The following COL3A1 variants were observed in gnomAD, a reference collection of about 807,000 sequenced individuals.
COL3A1 encodes collagen type III alpha 1 chain.
A neutral mutation model predicts 200.9 loss-of-function variants in COL3A1; 46 were observed. That is an observed-to-expected ratio of 0.23 (90% CI 0.18 to 0.29). The LOEUF (loss-of-function observed/expected upper bound fraction) is 0.29, where lower values mean the gene tolerates loss of function less well. Ranked by LOEUF, COL3A1 falls within the 10% of genes least tolerant of loss-of-function variation. The pLI, the probability that COL3A1 is intolerant of heterozygous loss-of-function variation, is 1.00. For missense variants in COL3A1, 1,367 were observed against 1,917.6 expected, an observed-to-expected ratio of 0.71 and a Z score of 5.36; for synonymous variants, 650 against 628.0, an observed-to-expected ratio of 1.03 and a Z score of -0.52.
At chr2:188,976,476 A>G (rs780876080) in intron 1 of COL3A1, among the ~76,000 whole-genome samples, 3 of 152,150 alleles carry the variant, frequency 2.0e-5, no homozygotes, top group Non-Finnish European at 4.4e-5. Context: ...GTAAAAGTAA[A>G]GTTGAAGTGA....
intron 34 of COL3A1, 123 bp from the exon 35 acceptor site, chr2:189,002,175 A>T (rs953047732): frequency 1.5e-5 from 12 of 801,108 alleles, no homozygotes; most frequent in Non-Finnish European, 2.4e-5. Context: ...TCAGAAGTTT[A>T]TTGGCTACTC....
chr2:189,002,922 C>A, intron 35 of COL3A1, 33 bp from the exon 36 acceptor site: 1 of 1,411,376 alleles, frequency 7.1e-7, no homozygotes, highest in South Asian at 1.2e-5. Flanking sequence ...TAAAGAGTGT[C>A]AGCTGAGAGA....
At chr2:188,989,939 A>G (rs147544677) in intron 8 of COL3A1, among the ~76,000 whole-genome samples, 157 bp from the exon 9 acceptor site, 226 of 152,280 alleles carry the variant, frequency 1.5e-3, no homozygotes, top group African/African-American at 5.2e-3. Flanking sequence ...GGTCTTCCTC[A>G]TGCCTTCTAC....
At chr2:188,993,006 C>T in intron 15 of COL3A1, 66 bp downstream of exon 15, 2 of 1,429,570 alleles carry the variant, frequency 1.4e-6, no homozygotes, top group Non-Finnish European at 2.0e-6. Flanking sequence ...CATTAGATTG[C>T]TTCTTGCAAC....
rs773400185 is a variant in COL3A1, at chr2:189,011,714, T to C, written c.4341T>C (p.Tyr1447=). ...VRLPIVDIAP[Y]DIGGPDQEFG... ...TACCTATTGTAGATATTGCACCCTA[T>C]GACATTGGTGGTCCTGATCAAGAAT... Residue 1447 remains tyrosine (Y), a synonymous_variant, in exon 51 of 51, where the codon TAT becomes TAC. Transcript: ENST00000304636. The C allele has an allele frequency of 1.2e-5, 19 of 1,613,776 alleles. No individual in the cohort carries two copies. In the South Asian group the frequency reaches 2.1e-4, roughly 18 times the overall value.
At position 189,011,902 on chromosome 2, in the gene COL3A1, C is replaced by T; in HGVS notation, c.*128C>T. 9.7e-7 allele frequency: 1 copy of T among 1,032,554 alleles called. No individual in the cohort carries two copies. The highest frequency in any genetic ancestry group is 1.5e-6 in the Non-Finnish European group (1 of 689,460). The allele number at this position is 1,032,554 out of a possible 1,614,324, so 64.0% of individuals were successfully genotyped here. Reference sequence around the variant, plus strand: ...TATTTATTTCCAAAATGTTTGGAAACAGTATAATTTGACAAAGAAAAATGA... The same window carrying T: ...TATTTATTTCCAAAATGTTTGGAAATAGTATAATTTGACAAAGAAAAATGA... On this transcript the variant is annotated 3_prime_UTR_variant, in exon 51 of 51. Coordinates refer to ENST00000304636, the MANE Select transcript of COL3A1 (RefSeq NM_000090.4).
At chr2:188,978,597 T>A (rs1462434917) in intron 1 of COL3A1, among the ~76,000 whole-genome samples, 1 of 151,948 alleles carries the variant, frequency 6.6e-6, no homozygotes. Flanking sequence ...GCTTAAAGAA[T>A]TAAAGCTTTA....
In COL3A1 at chr2:189,010,218, T is replaced by C. The variant is rs1433225130; in HGVS notation, c.3864T>C (p.Asp1288=). The C allele has an allele frequency of 6.2e-7, 1 of 1,614,182 alleles. No homozygotes were observed. Among genetic ancestry groups the C allele is most frequent in the South Asian group, 1.1e-5 (1 of 91,086 alleles). The change falls in exon 49 of 51, where the codon GAT becomes GAC. Residue 1288 remains aspartate, a synonymous_variant. Transcript: ENST00000304636. ...ACCCTAACCAAGGATGCAAATTGGATGCTATCAAGGTATTCTGTAATATGG... is the reference window on the plus strand; with the variant it reads ...ACCCTAACCAAGGATGCAAATTGGACGCTATCAAGGTATTCTGTAATATGG... ...WVDPNQGCKL[D]AIKVFCNMET... is the part of the protein sequence containing the mutation.
At chr2:189,001,884 A>G (rs1688474022) in intron 34 of COL3A1, among the ~76,000 whole-genome samples, 1 of 152,172 alleles carries the variant, frequency 6.6e-6, no homozygotes, top group Admixed American at 6.5e-5. Flanking sequence ...AGCCTATAGA[A>G]TCTTTGCCTG....
At chr2:189,003,933 A>G (rs532714496) in intron 38 of COL3A1, 49 bp from the exon 39 acceptor site, 3 of 1,567,700 alleles carry the variant, frequency 1.9e-6, no homozygotes, top group Middle Eastern at 1.8e-4. Flanking sequence ...AAGAAAGAAA[A>G]AATGCACTTT....
rs1483275898 is a variant in COL3A1 at position 188,995,597 on chromosome 2, T to C, written c.1510-95T>C. The C allele has an allele frequency of 4.9e-6, 4 of 820,414 alleles. No homozygotes were observed. In the East Asian group the frequency reaches 8.1e-5, roughly 17 times the overall value. The allele number at this position is 820,414 out of a possible 1,614,324, so 50.8% of individuals were successfully genotyped here. ...GCAACACACGAACCCTTTTTAAAAG[T>C]TCAAATGACGTCCTCTCTTTGTAAC... On this transcript the variant is annotated intron_variant, in intron 21 of 50. Coordinates refer to ENST00000304636, the MANE Select transcript of COL3A1 (RefSeq NM_000090.4).
At chr2:189,010,564 A>G (rs911932353) in intron 49 of COL3A1, 84 bp from the exon 50 acceptor site, 25 of 1,563,542 alleles carry the variant, frequency 1.6e-5, no homozygotes, top group Non-Finnish European at 2.1e-5. Flanking sequence ...CCCATATTAC[A>G]ATATGCATAC....
Position 189,008,088 on chromosome 2 carries a change from A to G in COL3A1, c.3471A>G (p.Pro1157=), listed in dbSNP as rs1392690297. 3 of 1,613,896 alleles carry G rather than the reference A, an allele frequency of 1.9e-6. No individual in the cohort carries two copies. Among genetic ancestry groups the G allele is most frequent in the Non-Finnish European group, 2.5e-6 (3 of 1,179,926 alleles). Residue 1157 remains proline (P), a synonymous_variant, in exon 47 of 51, where the codon CCA becomes CCG. Transcript: ENST00000304636. ...GCAAAGATGGAACCAGTGGACATCC[A>G]GGTCCCATTGGACCACCAGGGCCTC... is the stretch of plus-strand genomic sequence containing the variant. ...PPGKDGTSGH[P]GPIGPPGPRG... is the part of the protein sequence containing the mutation.
rs756525525 is a variant in COL3A1 at position 189,004,390 on chromosome 2, CTCTT to C, written c.2931+27_2931+30del. On this transcript the variant is annotated intron_variant, in intron 40 of 50. Coordinates refer to ENST00000304636, the MANE Select transcript of COL3A1 (RefSeq NM_000090.4). The stretch of plus-strand genomic sequence containing the variant: ...GTGAGTATAGTCATTTTCCACTACA[CTCTT>C]CCTTCCTTTGGTAGCCTTCAGAGAT... 5.8e-6 allele frequency: 9 copies of C among 1,555,334 alleles called. No individual in the cohort carries two copies. The African/African-American group carries it at 1.2e-4, about 21-fold the overall frequency.
At chr2:188,990,191 G>A (rs1688156864) in intron 9 of COL3A1, 42 bp downstream of exon 9, 2 of 1,603,074 alleles carry the variant, frequency 1.2e-6, no homozygotes, top group Non-Finnish European at 1.7e-6. Flanking sequence ...AATAATCTTA[G>A]CTTGAAAACT....
At chr2:188,998,819 A>G in intron 29 of COL3A1, 101 bp downstream of exon 29, 1 of 1,048,378 alleles carries the variant, frequency 9.5e-7, no homozygotes, top group Admixed American at 1.9e-5. Context: ...TTTCTTTAAA[A>G]GAGCATCATT....
In COL3A1 at chr2:189,004,162, T is replaced by C; in HGVS notation, c.2823+19T>C. 3 of 1,613,810 alleles carry C rather than the reference T, an allele frequency of 1.9e-6. No homozygotes were observed. Among genetic ancestry groups the C allele is most frequent in the Non-Finnish European group, 2.5e-6 (3 of 1,179,892 alleles). On this transcript the variant is annotated intron_variant, in intron 39 of 50. Transcript: ENST00000304636. ...CCCACCAGTAAGTAACTTCATTTTTTTAAATTGATTCTACTATTTTGATTT... is the reference window on the plus strand; with the variant it reads ...CCCACCAGTAAGTAACTTCATTTTTCTAAATTGATTCTACTATTTTGATTT...
Position 189,010,683 on chromosome 2 carries a change from C to T in COL3A1, c.4047C>T (p.Val1349=), listed in dbSNP as rs1324672067. ...GCAATCCTGAACTTCCTGAAGATGT[C>T]CTTGATGTGCATCTGGCATTCCTTC... ...SYGNPELPED[V]LDVHLAFLRL... The change falls in exon 50 of 51, where the codon GTC becomes GTT. Residue 1349 remains valine, a synonymous_variant. Transcript: ENST00000304636. 3.1e-6 allele frequency: 5 copies of T among 1,614,112 alleles called. No individual in the cohort carries two copies. The East Asian group carries it at 1.1e-4, about 36-fold the overall frequency.
At chr2:189,009,264 G>A in intron 48 of COL3A1, 43 bp downstream of exon 48, 1 of 1,609,970 alleles carries the variant, frequency 6.2e-7, no homozygotes, top group Non-Finnish European at 8.5e-7. Context: ...TAGGATTACA[G>A]AGAAAGCTGC....
Sources: gnomAD v4.1 joint callset for allele counts (sites outside exome capture counted in the v4.1 genomes callset) on GRCh38, gnomAD v4.1.1 for gene constraint, MANE v1.5 for transcripts, NCBI Gene and HGNC (gene_info 2026-07-23, HGNC 2026-07-21) for gene names.